Variants in TUBGCP3 observed in about 807,000 individuals in gnomAD.
TUBGCP3 encodes tubulin gamma complex component 3.
A neutral mutation model predicts 123.1 loss-of-function variants in TUBGCP3; 50 were observed. The ratio of observed to expected loss-of-function variants is 0.41; its 90% confidence interval spans 0.32 to 0.51. TUBGCP3 has a LOEUF of 0.51. Among genes scored for constraint, TUBGCP3 ranks in the 20% least tolerant of loss-of-function variants. TUBGCP3 has a pLI of 0.36. For synonymous variants in TUBGCP3, 405 were observed against 413.9 expected (o/e 0.98, Z 0.26); for missense variants, 882 against 1,127.0 (o/e 0.78, Z 3.11).
intron 20 of TUBGCP3, among the ~76,000 whole-genome samples, chr13:112,496,680 G>A (rs951703490): frequency 6.6e-6 from 1 of 152,150 alleles, no homozygotes; most frequent in African/African-American, 2.4e-5. Context: ...CACGCCATTA[G>A]CACAGGCTTA....
At chr13:112,537,566 T>G (rs2139133937) in intron 11 of TUBGCP3, among the ~76,000 whole-genome samples, 1 of 152,364 alleles carries the variant, frequency 6.6e-6, no homozygotes, top group East Asian at 1.9e-4. Context: ...CTGAGGATTT[T>G]TGCATCTATA....
chr13:112,583,421 A>G (rs1027797475), intron 1 of TUBGCP3, among the ~76,000 whole-genome samples: 1 of 152,208 alleles, frequency 6.6e-6, no homozygotes, highest in African/African-American at 2.4e-5. Context: ...CTCTGACTGA[A>G]GAGGAGAAGA....
chr13:112,515,882 T>C (rs528501331), intron 17 of TUBGCP3, among the ~76,000 whole-genome samples: 1 of 152,344 alleles, frequency 6.6e-6, no homozygotes, highest in East Asian at 1.9e-4. Flanking sequence ...TGCTCTCTTT[T>C]TATTCTTAAC....
At chr13:112,505,830 C>T (rs1422561309) in intron 17 of TUBGCP3, among the ~76,000 whole-genome samples, 1 of 152,196 alleles carries the variant, frequency 6.6e-6, no homozygotes, top group Non-Finnish European at 1.5e-5. Flanking sequence ...CCATCCGACC[C>T]TGGCACCCGG....
intron 1 of TUBGCP3, among the ~76,000 whole-genome samples, chr13:112,587,673 T>A (rs1882713240): frequency 7.2e-6 from 1 of 139,826 alleles, no homozygotes; most frequent in Non-Finnish European, 1.5e-5. Flanking sequence ...GCCTCTCCAC[T>A]CCCTCCGCCC....
chr13:112,544,229 A>G lies in TUBGCP3; in HGVS notation c.1335+1470T>C, dbSNP rs554835567. On this transcript the variant is annotated intron_variant, in intron 11 of 21. Coordinates refer to ENST00000261965, the MANE Select transcript of TUBGCP3 (RefSeq NM_006322.6). ...AGCACTTTGGGAGGCCAAGGCGGGC[A>G]GATCACAAGGTCAGGAGATCGAGAC... Among the ~76,000 whole-genome samples the G allele has an allele frequency of 1.5e-3, 229 of 152,108 alleles. 1 individual carries two copies. The highest frequency in any genetic ancestry group is 5.2e-3 in the East Asian group (27 of 5,156).
chr13:112,522,271 A>G (rs757150283), intron 14 of TUBGCP3, 49 bp downstream of exon 14: 1 of 1,349,590 alleles, frequency 7.4e-7, no homozygotes, highest in Non-Finnish European at 9.9e-7. Flanking sequence ...AAGATTCCTT[A>G]TCATGTCAAA....
intron 1 of TUBGCP3, among the ~76,000 whole-genome samples, chr13:112,578,415 C>A (rs890631338): frequency 1.3e-5 from 2 of 150,132 alleles, no homozygotes; most frequent in Non-Finnish European, 3.0e-5. Context: ...AAAAATTAGC[C>A]GGGCGTGGTG....
intron 8 of TUBGCP3, among the ~76,000 whole-genome samples, chr13:112,551,009 G>A (rs1014590982): frequency 6.6e-6 from 1 of 152,144 alleles, no homozygotes; most frequent in Non-Finnish European, 1.5e-5. Flanking sequence ...TGAGGAAGGA[G>A]AATGGCGTGA....
intron 6 of TUBGCP3, among the ~76,000 whole-genome samples, chr13:112,555,604 T>C (rs1220460806): frequency 2.0e-5 from 3 of 152,200 alleles, no homozygotes; most frequent in African/African-American, 7.2e-5. Context: ...ATGACTCTCT[T>C]CGACGTGCCA....
At chr13:112,575,927 C>T (rs1050739194) in intron 1 of TUBGCP3, among the ~76,000 whole-genome samples, 2 of 152,200 alleles carry the variant, frequency 1.3e-5, no homozygotes, top group African/African-American at 4.8e-5. Flanking sequence ...AGGGGTAGCC[C>T]AGCCCTGCAA....
chr13:112,565,843 G>T (rs1880914682), intron 2 of TUBGCP3, among the ~76,000 whole-genome samples: 1 of 151,806 alleles, frequency 6.6e-6, no homozygotes, highest in Admixed American at 6.6e-5. Context: ...GCTGAGGCAG[G>T]TGAATGGCAT....
intron 11 of TUBGCP3, among the ~76,000 whole-genome samples, chr13:112,535,304 CTAGGAG>C (rs1216172114): frequency 6.6e-6 from 1 of 152,112 alleles, no homozygotes; most frequent in Non-Finnish European, 1.5e-5. Context: ...GGGTATATAC[CTAGGAG>C]TAGAACTGTT....
At chr13:112,544,319 G>A (rs575688836) in intron 11 of TUBGCP3, among the ~76,000 whole-genome samples, 1 of 152,122 alleles carries the variant, frequency 6.6e-6, no homozygotes, top group South Asian at 2.1e-4. Context: ...AGGCATGGTG[G>A]CGGGCACCTG....
At chr13:112,558,098 CACT>C (rs1880193183) in intron 5 of TUBGCP3, 95 bp downstream of exon 5, 13 of 1,344,736 alleles carry the variant, frequency 9.7e-6, no homozygotes, top group Non-Finnish European at 1.3e-5. Flanking sequence ...TATGAGGCCC[CACT>C]GATACTGTGG....
chr13:112,534,780 A>C (rs1315954717), intron 11 of TUBGCP3, among the ~76,000 whole-genome samples: 1 of 152,066 alleles, frequency 6.6e-6, no homozygotes, highest in Non-Finnish European at 1.5e-5. Context: ...TTTTTTTTAG[A>C]GGAAATTCAC....
At chr13:112,595,423 T>G in the TUBGCP3 span, among the ~76,000 whole-genome samples, 2 of 152,286 alleles carry the variant, frequency 1.3e-5, no homozygotes, top group East Asian at 1.9e-4. Flanking sequence ...GGTCTTGATC[T>G]CCTGACCTCG....
At chr13:112,504,851 A>C (rs1881184316) in intron 17 of TUBGCP3, 137 bp from the exon 18 acceptor site, 8 of 697,376 alleles carry the variant, frequency 1.1e-5, no homozygotes, top group Admixed American at 2.5e-5. Flanking sequence ...AACAGGAAAC[A>C]ACCTCTCCAG....
Position 112,545,874 on chromosome 13 carries a change from A to C in TUBGCP3, c.1169-9T>G. ...CTCACCTCCTTTCCTTCCTGGGAGA[A>C]ATGGAGGAAAATACACAAAAACATC... On this transcript the variant is annotated splice_polypyrimidine_tract_variant and intron_variant, in intron 10 of 21. Coordinates refer to ENST00000261965, the MANE Select transcript of TUBGCP3 (RefSeq NM_006322.6). This position sits in a 1 kb window ranked among gnomAD's most constrained non-coding sequence, Gnocchi z 4.1. 6.2e-7 allele frequency: 1 copy of C among 1,606,340 alleles called. No homozygotes were observed. Among genetic ancestry groups the C allele is most frequent in the Non-Finnish European group, 8.5e-7 (1 of 1,173,398 alleles).
Sources: allele counts gnomAD v4.1 joint callset (sites outside exome capture counted in the v4.1 genomes callset), GRCh38; gene constraint gnomAD v4.1.1; non-coding constraint Gnocchi (gnomAD v3.1); transcripts MANE v1.5; gene names NCBI Gene and HGNC (gene_info 2026-07-23, HGNC 2026-07-21).